IGF1R: variants seen among roughly 807,000 people sequenced by gnomAD.
IGF1R encodes insulin like growth factor 1 receptor.
In IGF1R, 44 loss-of-function variants were observed where a neutral mutation model predicts 144.6. The ratio of observed to expected loss-of-function variants is 0.30; its 90% CI spans 0.24 to 0.39. IGF1R has a LOEUF of 0.39. IGF1R is among the 10% of genes least tolerant of loss of function. The probability of loss-of-function intolerance (pLI) is 1.00; values close to 1 mark genes in which losing one functional copy is unlikely to be tolerated. For synonymous variants in IGF1R, 795 were observed against 722.8 expected, an observed-to-expected ratio of 1.10 and a Z score of -1.60; for missense variants, 1,355 against 1,833.7, an observed-to-expected ratio of 0.74 and a Z score of 4.77.
intron 2 of IGF1R, among the ~76,000 whole-genome samples, chr15:98,830,288 A>C (rs887261517): frequency 6.6e-6 from 1 of 152,192 alleles, no homozygotes; most frequent in African/African-American, 2.4e-5. Context: ...CCACACAGAT[A>C]GGTTCTGTCT....
At chr15:98,869,317 A>AC (rs57524906) in intron 2 of IGF1R, among the ~76,000 whole-genome samples, 4 of 151,996 alleles carry the variant, frequency 2.6e-5, no homozygotes, top group Non-Finnish European at 5.9e-5. Context: ...AACAACAACA[A>AC]AAAAAAACAC....
At chr15:98,708,918 T>A (rs1000391117) in intron 2 of IGF1R, among the ~76,000 whole-genome samples, 2 of 152,254 alleles carry the variant, frequency 1.3e-5, no homozygotes, top group African/African-American at 4.8e-5. Context: ...CTTGTATATT[T>A]ATCTGCAATA....
At position 98,929,558 on chromosome 15, in the gene IGF1R, C is replaced by T. The variant is rs752154075; in HGVS notation, c.2783C>T (p.Thr928Ile). Residue 928 changes from threonine to isoleucine, a missense_variant and splice_region_variant, in exon 14 of 21, where the codon ACA becomes ATA. Around this residue, in one of 7 missense-constraint regions of IGF1R, gnomAD observed 880 missense variants for 1,202.7 expected, o/e 0.73. Coordinates refer to ENST00000650285, the MANE Select transcript of IGF1R (RefSeq NM_000875.5). ...TATCATTTCCTCCTCTTTGCTGCAG[C>T]AGGATATGAAAACTTCATCCATCTG... ...DPVFFYVQAK[T>I]GYENFIHLII... 47 of 1,609,886 alleles carry T rather than the reference C, an allele frequency of 2.9e-5. No homozygotes were observed. Among genetic ancestry groups the T allele is most frequent in the Non-Finnish European group, 8.5e-7 (1 of 1,176,294 alleles).
At chr15:98,773,554 C>T (rs1411242745) in intron 2 of IGF1R, among the ~76,000 whole-genome samples, 1 of 152,176 alleles carries the variant, frequency 6.6e-6, no homozygotes, top group Non-Finnish European at 1.5e-5. Flanking sequence ...TCCTTTTGCT[C>T]ACAGCGCCCA....
chr15:98,888,779 G>A (rs926635650), intron 2 of IGF1R, among the ~76,000 whole-genome samples: 12 of 152,174 alleles, frequency 7.9e-5, no homozygotes, highest in Admixed American at 2.0e-4. Context: ...TATATGAATA[G>A]CAGTCATTGA....
At chr15:98,941,267 C>T (rs948936310) in intron 18 of IGF1R, among the ~76,000 whole-genome samples, 1 of 152,340 alleles carries the variant, frequency 6.6e-6, no homozygotes, top group African/African-American at 2.4e-5. Flanking sequence ...GGCAGGGCCT[C>T]TCCAGATGGC....
At chr15:98,885,658 G>A (rs1034904000) in intron 2 of IGF1R, among the ~76,000 whole-genome samples, 10 of 152,144 alleles carry the variant, frequency 6.6e-5, no homozygotes, top group African/African-American at 1.7e-4. Context: ...AAACTCTTCC[G>A]TATTTTGATT....
chr15:98,863,659 A>G (rs1355573735), intron 2 of IGF1R, among the ~76,000 whole-genome samples: 1 of 152,244 alleles, frequency 6.6e-6, no homozygotes, highest in Non-Finnish European at 1.5e-5. Flanking sequence ...AGCTTAAGAA[A>G]TCCCACATAT....
chr15:98,707,290 AG>A lies in IGF1R; in HGVS notation c.95-271del. Reference sequence around the variant, plus strand: ...TGTGTGCCTCTGGGCTGTAAGCTTTAGTTTGCACGGTTAACGGGGATGGCCT... The same window carrying A: ...TGTGTGCCTCTGGGCTGTAAGCTTTATTTGCACGGTTAACGGGGATGGCCT... On this transcript the variant is annotated intron_variant, in intron 1 of 20. Coordinates refer to ENST00000650285, the MANE Select transcript of IGF1R (RefSeq NM_000875.5). This position sits in a 1 kb window ranked among gnomAD's most constrained non-coding sequence, Gnocchi z 6.7. Among the ~76,000 whole-genome samples the A allele has an allele frequency of 6.6e-6, 1 of 152,066 alleles. No individual in the cohort carries two copies. The highest frequency in any genetic ancestry group is 1.5e-5 in the Non-Finnish European group (1 of 68,014).
intron 2 of IGF1R, among the ~76,000 whole-genome samples, chr15:98,785,025 A>G (rs2055957688): frequency 6.6e-6 from 1 of 152,164 alleles, no homozygotes; most frequent in African/African-American, 2.4e-5. Flanking sequence ...GTTCATGTGT[A>G]TATATATATG....
At chr15:98,803,335 T>C (rs754503079) in intron 2 of IGF1R, among the ~76,000 whole-genome samples, 2 of 151,898 alleles carry the variant, frequency 1.3e-5, no homozygotes, top group South Asian at 4.1e-4. Context: ...GTAAAAAATA[T>C]AGTGTAAAAG....
chr15:98,759,770 A>T (rs1438119762), intron 2 of IGF1R, among the ~76,000 whole-genome samples: 2 of 152,258 alleles, frequency 1.3e-5, no homozygotes, highest in Non-Finnish European at 2.9e-5. Context: ...TATGTGTATC[A>T]GGACTGAAAG....
intron 2 of IGF1R, among the ~76,000 whole-genome samples, chr15:98,787,337 A>G (rs2056022245): frequency 6.6e-6 from 1 of 152,220 alleles, no homozygotes; most frequent in South Asian, 2.1e-4. Flanking sequence ...ACTCTCAGAT[A>G]AAACACCTTC....
chr15:98,730,448 A>G (rs1222175370), intron 2 of IGF1R, among the ~76,000 whole-genome samples: 1 of 152,202 alleles, frequency 6.6e-6, no homozygotes, highest in Non-Finnish European at 1.5e-5. Context: ...AATGGGTAGC[A>G]GCTAGCGGCT....
At chr15:98,755,546 G>T (rs1003689227) in intron 2 of IGF1R, among the ~76,000 whole-genome samples, 1 of 151,774 alleles carries the variant, frequency 6.6e-6, no homozygotes, top group Admixed American at 6.6e-5. Context: ...TTTGAGACCA[G>T]CCTGACCAAC....
chr15:98,675,814 CTT>C (rs2053023034), intron 1 of IGF1R, among the ~76,000 whole-genome samples: 1 of 17,876 alleles, frequency 5.6e-5, no homozygotes, highest in Non-Finnish European at 4.1e-4. Context: ...TCTTTTTTTT[CTT>C]TCTTTCTTTC....
chr15:98,852,272 A>G (rs1336121358), intron 2 of IGF1R, among the ~76,000 whole-genome samples: 2 of 151,928 alleles, frequency 1.3e-5, no homozygotes, highest in Non-Finnish European at 2.9e-5. Context: ...CTCCCCTCCG[A>G]GGGGCTGAGG....
intron 2 of IGF1R, among the ~76,000 whole-genome samples, chr15:98,718,653 G>T (rs753011133): frequency 6.6e-6 from 1 of 152,220 alleles, no homozygotes; most frequent in Non-Finnish European, 1.5e-5. Flanking sequence ...TGCCATTCTG[G>T]ATTTCCGGAT....
chr15:98,831,574 A>C (rs2057002655), intron 2 of IGF1R, among the ~76,000 whole-genome samples: 1 of 152,228 alleles, frequency 6.6e-6, no homozygotes. Context: ...CTAAAACAAA[A>C]GATAGATTAA....
Sources: gnomAD v4.1 joint callset for allele counts (sites outside exome capture counted in the v4.1 genomes callset) on GRCh38, gnomAD v4.1.1 for gene constraint, gnomAD v4.1.1 regional missense constraint, Gnocchi (gnomAD v3.1) non-coding constraint, MANE v1.5 for transcripts, NCBI Gene and HGNC (gene_info 2026-07-23, HGNC 2026-07-21) for gene names.